PATJ: variants seen among roughly 807,000 people sequenced by gnomAD.
The protein encoded by PATJ is PATJ crumbs cell polarity complex component.
PATJ carries 190 observed loss-of-function variants against 224.9 expected under a neutral mutation model. The ratio of observed to expected loss-of-function variants is 0.84; its 90% CI spans 0.75 to 0.95. The LOEUF (loss-of-function observed/expected upper bound fraction) is 0.95, where lower values mean the gene tolerates loss of function less well. PATJ is among the 40% of genes least tolerant of loss of function. The probability of loss-of-function intolerance (pLI) is 0.00; values close to 1 mark genes in which losing one functional copy is unlikely to be tolerated. For missense variants in PATJ, 2,121 were observed against 2,270.3 expected (o/e 0.93, Z 1.34); for synonymous variants, 769 against 820.3 (o/e 0.94, Z 1.07).
chr1:61,911,564 G>A (rs1387924628), intron 25 of PATJ, among the ~76,000 whole-genome samples: 1 of 151,958 alleles, frequency 6.6e-6, no homozygotes, highest in Non-Finnish European at 1.5e-5. Context: ...GGAAAAATGT[G>A]TGTATCTACT....
intron 16 of PATJ, among the ~76,000 whole-genome samples, chr1:61,828,803 T>C (rs1658794735): frequency 6.6e-6 from 1 of 152,206 alleles, no homozygotes; most frequent in Non-Finnish European, 1.5e-5. Context: ...CTAACACCAG[T>C]TCAGATTCAT....
chr1:61,879,841 T>TG (rs1481890967), intron 21 of PATJ, among the ~76,000 whole-genome samples: 2 of 151,330 alleles, frequency 1.3e-5, no homozygotes, highest in Non-Finnish European at 2.9e-5. Context: ...CTATTTTTTT[T>TG]TTTTCTTTTT....
intron 27 of PATJ, among the ~76,000 whole-genome samples, chr1:61,951,651 T>C (rs1359674930): frequency 1.3e-5 from 2 of 152,026 alleles, no homozygotes; most frequent in Non-Finnish European, 2.9e-5. Flanking sequence ...TTTATATTTT[T>C]CCCCCCTGAA....
intron 14 of PATJ, among the ~76,000 whole-genome samples, chr1:61,813,017 C>T (rs2148661073): frequency 6.6e-6 from 1 of 151,970 alleles, no homozygotes; most frequent in Admixed American, 6.6e-5. Flanking sequence ...AGCTTTTTAG[C>T]CTCCTGTGTC....
chr1:62,003,427 T>G (rs976115002), intron 28 of PATJ, among the ~76,000 whole-genome samples: 1 of 152,216 alleles, frequency 6.6e-6, no homozygotes, highest in Admixed American at 6.5e-5. Context: ...GTATTTCAAT[T>G]TAATTAGTTT....
At chr1:61,862,481 G>A (rs11810572) in intron 19 of PATJ, among the ~76,000 whole-genome samples, 3,055 of 152,282 alleles carry the variant, frequency 0.02, 103 homozygotes, top group African/African-American at 0.071. Flanking sequence ...ACAGACGTGA[G>A]CCACCACGCC....
intron 28 of PATJ, among the ~76,000 whole-genome samples, chr1:62,012,203 G>A (rs1034433654): frequency 6.6e-6 from 1 of 152,160 alleles, no homozygotes; most frequent in South Asian, 2.1e-4. Flanking sequence ...AGAGATGGCT[G>A]TTAGAAATTA....
intron 28 of PATJ, 127 bp from the exon 29 acceptor site, chr1:62,017,729 C>CAA (rs58692636): frequency 0.11 from 34,210 of 318,430 alleles, 1,256 homozygotes; most frequent in East Asian, 0.22. Flanking sequence ...GAGACTGTCT[C>CAA]AAAAAAAAAA....
intron 6 of PATJ, among the ~76,000 whole-genome samples, chr1:61,772,357 A>T (rs894368392): frequency 6.6e-6 from 1 of 152,162 alleles, no homozygotes; most frequent in African/African-American, 2.4e-5. Context: ...GATTATTGAT[A>T]TTGCAAAATT....
chr1:62,009,343 A>G (rs1241889867), intron 28 of PATJ, among the ~76,000 whole-genome samples: 1 of 152,190 alleles, frequency 6.6e-6, no homozygotes, highest in Non-Finnish European at 1.5e-5. Context: ...TGTTTCCCGC[A>G]TATGTGAAAG....
chr1:61,915,141 C>T (rs898683756), intron 26 of PATJ, among the ~76,000 whole-genome samples: 1 of 152,238 alleles, frequency 6.6e-6, no homozygotes, highest in African/African-American at 2.4e-5. Context: ...AAAGTAGAAT[C>T]TGTTGACCTA....
At chr1:61,914,538 A>G (rs769798405) in intron 25 of PATJ, 49 bp from the exon 26 acceptor site, 1 of 848,930 alleles carries the variant, frequency 1.2e-6, no homozygotes, top group East Asian at 2.5e-5. Flanking sequence ...AGGAATGATT[A>G]TGTCGTTTAA....
At chr1:61,763,212 A>G (rs1186082609) in intron 3 of PATJ, 33 bp downstream of exon 3, 3 of 1,257,654 alleles carry the variant, frequency 2.4e-6, no homozygotes, top group South Asian at 3.2e-5. Flanking sequence ...ACATTAATAT[A>G]TTATATTAAT....
intron 29 of PATJ, among the ~76,000 whole-genome samples, chr1:62,036,383 CCT>C (rs762936298): frequency 3.9e-5 from 6 of 152,090 alleles, no homozygotes; most frequent in African/African-American, 7.2e-5. Flanking sequence ...AAGAATGACC[CCT>C]GTTTCCTGGT....
rs1011510825 is a variant in PATJ at position 61,866,764 on chromosome 1, A to C, written c.2835+2131A>C. On this transcript the variant is annotated intron_variant, in intron 20 of 43. Transcript: ENST00000642238. ...AAGAAAAATTTGAGCGAATCCATAGAGTAAAATGAAAGCAAGTTTATTAGG... is the reference window on the plus strand; with the variant it reads ...AAGAAAAATTTGAGCGAATCCATAGCGTAAAATGAAAGCAAGTTTATTAGG... Among the ~76,000 whole-genome samples, 4 of 152,230 alleles carry C rather than the reference A, an allele frequency of 2.6e-5. No homozygotes were observed. In the South Asian group the frequency reaches 8.3e-4, roughly 31 times the overall value.
intron 28 of PATJ, among the ~76,000 whole-genome samples, chr1:62,009,861 G>C (rs1438311884): frequency 6.6e-6 from 1 of 151,866 alleles, no homozygotes; most frequent in Admixed American, 6.6e-5. Flanking sequence ...GAGGTGGGCG[G>C]ATCACAAGGT....
intron 33 of PATJ, among the ~76,000 whole-genome samples, chr1:62,102,178 C>CAAAT (rs112794744): frequency 0.082 from 12,260 of 150,064 alleles, 560 homozygotes; most frequent in Non-Finnish European, 0.11. Flanking sequence ...GACCCTGTCT[C>CAAAT]AAATAAATAA....
chr1:62,013,370 G>A (rs1247259028), intron 28 of PATJ: 1 of 985,210 alleles, frequency 1.0e-6, no homozygotes, highest in African/African-American at 1.7e-5. Flanking sequence ...GCCCATGTTA[G>A]TGAAAGCCTA....
At chr1:61,961,795 C>T (rs886563643) in intron 27 of PATJ, among the ~76,000 whole-genome samples, 7 of 151,736 alleles carry the variant, frequency 4.6e-5, no homozygotes, top group Non-Finnish European at 1.0e-4. Context: ...ATGGCGAAAC[C>T]CCGTCTCTAC....
Sources: allele counts gnomAD v4.1 joint callset (sites outside exome capture counted in the v4.1 genomes callset), GRCh38; gene constraint gnomAD v4.1.1; transcripts MANE v1.5; gene names NCBI Gene and HGNC (gene_info 2026-07-23, HGNC 2026-07-21).